KCNJ6: variants seen among roughly 807,000 people sequenced by gnomAD.
The protein encoded by KCNJ6 is G protein-activated inward rectifier potassium channel 2.
Under a neutral mutation model 34.2 loss-of-function variants are expected in KCNJ6, and 9 were observed. The observed-to-expected ratio is 0.26, with a 90% CI of 0.16 to 0.46. The LOEUF (loss-of-function observed/expected upper bound fraction) is 0.46. KCNJ6 is among the 20% of genes least tolerant of loss of function. The pLI, the probability that KCNJ6 is intolerant of heterozygous loss-of-function variation, is 1.00. For missense variants in KCNJ6, 236 were observed against 531.3 expected (o/e 0.44, Z 5.46); for synonymous variants, 196 against 207.1 (o/e 0.95, Z 0.46).
chr21:37,726,752 C>T (rs1442873697), intron 2 of KCNJ6, among the ~76,000 whole-genome samples: 1 of 152,140 alleles, frequency 6.6e-6, no homozygotes, highest in African/African-American at 2.4e-5. Flanking sequence ...ATCTAAAGAA[C>T]CAGTAGGAAA....
At chr21:37,689,335 GA>G (rs1470305849) in intron 3 of KCNJ6, among the ~76,000 whole-genome samples, 4 of 90 alleles carry the variant, frequency 0.044, no homozygotes, top group African/African-American at 0.11. Context: ...TGATGGAATG[GA>G]TAAAGAAGTG....
intron 2 of KCNJ6, among the ~76,000 whole-genome samples, chr21:37,723,003 A>G (rs11909632): frequency 0.13 from 19,031 of 152,204 alleles, 1,631 homozygotes; most frequent in East Asian, 0.37. Flanking sequence ...ACAGACAACC[A>G]AGGTAATGGG....
intron 2 of KCNJ6, among the ~76,000 whole-genome samples, chr21:37,731,512 C>T (rs1369437536): frequency 2.0e-5 from 3 of 152,150 alleles, no homozygotes; most frequent in Non-Finnish European, 4.4e-5. Flanking sequence ...CATCTGTTTT[C>T]AGCTTTATTC....
intron 3 of KCNJ6, among the ~76,000 whole-genome samples, chr21:37,652,044 A>T (rs1034120590): frequency 1.3e-5 from 2 of 152,154 alleles, no homozygotes; most frequent in African/African-American, 4.8e-5. Flanking sequence ...AGAATTGGAG[A>T]TAGAATAGAG....
chr21:37,787,707 TA>T (rs2123518751), intron 2 of KCNJ6, among the ~76,000 whole-genome samples: 1 of 152,322 alleles, frequency 6.6e-6, no homozygotes, highest in African/African-American at 2.4e-5. Context: ...CATGGGAATC[TA>T]ATACTGATTA....
intron 1 of KCNJ6, among the ~76,000 whole-genome samples, chr21:37,884,301 G>T (rs1242413028): frequency 6.6e-6 from 1 of 152,186 alleles, no homozygotes; most frequent in East Asian, 1.9e-4. Context: ...GGGAGGCACA[G>T]GTGTTCACCT....
intron 3 of KCNJ6, among the ~76,000 whole-genome samples, chr21:37,712,474 TCCTCCCTTTCTCTTC>T: frequency 1.0e-5 from 1 of 97,840 alleles, no homozygotes; most frequent in Middle Eastern, 5.1e-3. Flanking sequence ...CCTCTCTCCC[TCCTCCCTTTCTCTTC>T]CCTCCCTCCT....
At chr21:37,650,333 A>G (rs2054427444) in intron 3 of KCNJ6, among the ~76,000 whole-genome samples, 1 of 152,108 alleles carries the variant, frequency 6.6e-6, no homozygotes, top group African/African-American at 2.4e-5. Context: ...CACTCTCCAC[A>G]TGAGTTGTGA....
chr21:37,788,061 A>T (rs1362391132), intron 2 of KCNJ6, among the ~76,000 whole-genome samples: 1 of 152,338 alleles, frequency 6.6e-6, no homozygotes, highest in East Asian at 1.9e-4. Context: ...CCAGAATTTG[A>T]GAAGGAAGAT....
chr21:37,644,324 G>T (rs1478262261), intron 3 of KCNJ6, among the ~76,000 whole-genome samples: 1 of 152,154 alleles, frequency 6.6e-6, no homozygotes, highest in Non-Finnish European at 1.5e-5. Context: ...AAATCCCCAT[G>T]ACGCAAGTTT....
At chr21:37,715,954 C>G (rs1454965174) in intron 2 of KCNJ6, among the ~76,000 whole-genome samples, 1 of 152,210 alleles carries the variant, frequency 6.6e-6, no homozygotes, top group Non-Finnish European at 1.5e-5. Flanking sequence ...ACACACTATC[C>G]AAATTCGTGA....
chr21:37,877,089 T>C (rs552527974), intron 1 of KCNJ6, among the ~76,000 whole-genome samples: 89 of 152,204 alleles, frequency 5.8e-4, no homozygotes, highest in Non-Finnish European at 1.0e-3. Flanking sequence ...CTGGATGTCA[T>C]TGAAACACTA....
In KCNJ6 at chr21:37,730,199, C is replaced by A. The variant is rs1383723150; in HGVS notation, c.26-15068G>T. Among the ~76,000 whole-genome samples the A allele has an allele frequency of 2.0e-5, 3 of 152,220 alleles. No homozygotes were observed. The East Asian group carries it at 5.8e-4, about 29-fold the overall frequency. On this transcript the variant is annotated intron_variant, in intron 2 of 3. Coordinates refer to ENST00000609713, the MANE Select transcript of KCNJ6 (RefSeq NM_002240.5). Reference sequence around the variant, plus strand: ...GGGGAATCCCAGCTCTGCTGCCCACCAGCCAAGGGACCCGCAGCCTTAAGT... The same window carrying A: ...GGGGAATCCCAGCTCTGCTGCCCACAAGCCAAGGGACCCGCAGCCTTAAGT...
At chr21:37,831,511 C>G (rs2055425747) in intron 2 of KCNJ6, among the ~76,000 whole-genome samples, 1 of 151,972 alleles carries the variant, frequency 6.6e-6, no homozygotes, top group Non-Finnish European at 1.5e-5. Context: ...GTTGAGATGA[C>G]AGGAGGCAAT....
At chr21:37,715,657 G>C (rs1042435919) in intron 2 of KCNJ6, among the ~76,000 whole-genome samples, 1 of 152,216 alleles carries the variant, frequency 6.6e-6, no homozygotes. Context: ...TAAGGAGATA[G>C]TTAAAGGTTA....
chr21:37,822,587 A>G (rs560839575), intron 2 of KCNJ6, among the ~76,000 whole-genome samples: 109 of 152,284 alleles, frequency 7.2e-4, no homozygotes, highest in African/African-American at 2.5e-3. Flanking sequence ...TGAGAGGCAT[A>G]TTTTTGTTGA....
At chr21:37,903,184 G>A (rs764797820) in intron 1 of KCNJ6, among the ~76,000 whole-genome samples, 25 of 152,104 alleles carry the variant, frequency 1.6e-4, no homozygotes, top group Non-Finnish European at 3.1e-4. Flanking sequence ...ACCTTGAATT[G>A]TAATAATCCC....
chr21:37,718,925 G>A (rs1157011538), intron 2 of KCNJ6, among the ~76,000 whole-genome samples: 3 of 152,218 alleles, frequency 2.0e-5, no homozygotes, highest in Admixed American at 1.3e-4. Context: ...TGGCTCCGGT[G>A]GGTCCCTCCC....
At chr21:37,816,003 C>T (rs1438278553) in intron 2 of KCNJ6, among the ~76,000 whole-genome samples, 1 of 152,138 alleles carries the variant, frequency 6.6e-6, no homozygotes, top group Non-Finnish European at 1.5e-5. Context: ...TCCCTGAACA[C>T]CCATTTTTAG....
Sources: allele counts gnomAD v4.1 joint callset (sites outside exome capture counted in the v4.1 genomes callset), GRCh38; gene constraint gnomAD v4.1.1; transcripts MANE v1.5; gene names NCBI Gene and HGNC (gene_info 2026-07-23, HGNC 2026-07-21).